Variants in TMEM161B observed in about 807,000 individuals in gnomAD.
TMEM161B encodes transmembrane protein 161B.
TMEM161B carries 34 observed loss-of-function variants against 61.8 expected under a neutral mutation model. The observed-to-expected ratio is 0.55, with a 90% confidence interval of 0.42 to 0.73. The LOEUF (loss-of-function observed/expected upper bound fraction) is 0.73. TMEM161B is among the 30% of genes least tolerant of loss of function. The pLI is 0.00. For synonymous variants in TMEM161B, 167 were observed against 192.8 expected, an observed-to-expected ratio of 0.87 and a Z score of 1.11; for missense variants, 456 against 558.5, an observed-to-expected ratio of 0.82 and a Z score of 1.85.
At chr5:88,241,211 C>T (rs1197011832) in intron 1 of TMEM161B, among the ~76,000 whole-genome samples, 1 of 151,550 alleles carries the variant, frequency 6.6e-6, no homozygotes, top group Non-Finnish European at 1.5e-5. Context: ...AATCTAGAGA[C>T]GATTTCAAGT....
intron 1 of TMEM161B, among the ~76,000 whole-genome samples, chr5:88,246,221 T>C (rs936347552): frequency 6.6e-6 from 1 of 151,852 alleles, no homozygotes; most frequent in Admixed American, 6.6e-5. Flanking sequence ...TATTCTTCTA[T>C]ATAAGTCAAC....
At chr5:88,206,918 CTTTAAA>C (rs1745612877) in intron 6 of TMEM161B, 105 bp downstream of exon 6, 2 of 932,396 alleles carry the variant, frequency 2.1e-6, no homozygotes, top group Non-Finnish European at 3.2e-6. Flanking sequence ...AGAGTATACA[CTTTAAA>C]TTTAATTTTA....
rs543379181 is a variant in TMEM161B, at chr5:88,246,550, T to C, written c.4-5634A>G. On this transcript the variant is annotated intron_variant, in intron 1 of 11. Transcript: ENST00000296595. ...ACAATTACAGTGTACATGCCAGGGA[T>C]TAATGTATTAATGTATAAAGTAGCC... Among the ~76,000 whole-genome samples the C allele has an allele frequency of 3.6e-4, 54 of 152,032 alleles. 2 individuals are homozygous for C. Among genetic ancestry groups the C allele is most frequent in the Middle Eastern group, 6.8e-3 (2 of 294 alleles).
At chr5:88,205,665 T>C in intron 8 of TMEM161B, 149 bp downstream of exon 8, 1 of 833,920 alleles carries the variant, frequency 1.2e-6, no homozygotes, top group South Asian at 2.2e-5. Flanking sequence ...TAAAAGAAAC[T>C]TGCTTATAGT....
Position 88,239,924 on chromosome 5 carries a change from T to C in TMEM161B, c.107+889A>G, listed in dbSNP as rs191919199. On this transcript the variant is annotated intron_variant, in intron 2 of 11. Coordinates refer to ENST00000296595, the MANE Select transcript of TMEM161B (RefSeq NM_153354.5). The stretch of plus-strand genomic sequence containing the variant: ...AACCAAAAGAAAGCAGTAACAAAAT[T>C]TGGTTATTTAACTGAAATGAACAAT... Among the ~76,000 whole-genome samples, 24 of 152,086 alleles carry C rather than the reference T, an allele frequency of 1.6e-4. No homozygotes were observed. The East Asian group carries it at 4.5e-3, about 28-fold the overall frequency.
At chr5:88,246,280 C>T (rs1753607132) in intron 1 of TMEM161B, among the ~76,000 whole-genome samples, 1 of 149,818 alleles carries the variant, frequency 6.7e-6, no homozygotes. Flanking sequence ...ATATGTGCTA[C>T]TGAAAAAAAA....
At chr5:88,210,018 T>A (rs140084286) in intron 5 of TMEM161B, among the ~76,000 whole-genome samples, 9 of 152,242 alleles carry the variant, frequency 5.9e-5, no homozygotes, top group Non-Finnish European at 1.2e-4. Flanking sequence ...TCATATACTA[T>A]CTTAAACTAT....
At chr5:88,235,642 A>C (rs1173237762) in intron 2 of TMEM161B, among the ~76,000 whole-genome samples, 1 of 152,190 alleles carries the variant, frequency 6.6e-6, no homozygotes, top group Non-Finnish European at 1.5e-5. Flanking sequence ...TGCTGACCTC[A>C]GACTTCCAGC....
At chr5:88,265,764 C>G (rs1167058035) in intron 1 of TMEM161B, among the ~76,000 whole-genome samples, 1 of 152,172 alleles carries the variant, frequency 6.6e-6, no homozygotes, top group African/African-American at 2.4e-5. Flanking sequence ...AACTTTTCAT[C>G]AAATCCAATT....
At chr5:88,225,618 A>C (rs1057393661) in intron 4 of TMEM161B, 151 bp downstream of exon 4, 3 of 484,026 alleles carry the variant, frequency 6.2e-6, no homozygotes, top group Non-Finnish European at 1.1e-5. Flanking sequence ...ACAAAAAAAT[A>C]AATTTAATTC....
intron 5 of TMEM161B, among the ~76,000 whole-genome samples, chr5:88,209,865 C>CCCTA (rs869192378): frequency 2.1e-5 from 2 of 96,656 alleles, no homozygotes; most frequent in African/African-American, 7.6e-5. Flanking sequence ...CATCTGAACT[C>CCCTA]TTCCCTCCTC....
chr5:88,220,727 G>GAAAAAAAAAAAAAAAA lies in TMEM161B; in HGVS notation c.290-24_290-9dup. 1.4e-5 allele frequency: 8 copies of GAAAAAAAAAAAAAAAA among 581,448 alleles called. No homozygotes were observed. The highest frequency in any genetic ancestry group is 9.0e-5 in the South Asian group (3 of 33,264). The allele number at this position is 581,448 out of a possible 1,614,324, so 36.0% of individuals were successfully genotyped here. A position where few individuals can be genotyped will look rare whatever the true frequency, so the allele number is the denominator to read the frequency against. On this transcript the variant is annotated splice_polypyrimidine_tract_variant and intron_variant, in intron 4 of 11. Transcript: ENST00000296595. Reference sequence around the variant, plus strand: ...CTGGAAAGTAATGCAATGCTGGAAAGAAAAAAAAAAAAAAAAAAAAAAAAG... The same window carrying GAAAAAAAAAAAAAAAA: ...CTGGAAAGTAATGCAATGCTGGAAAGAAAAAAAAAAAAAAAAAAAAAAAAAAAAAAAAAAAAAAAAG...
intron 1 of TMEM161B, among the ~76,000 whole-genome samples, chr5:88,245,956 A>C (rs1753555407): frequency 6.6e-6 from 1 of 151,954 alleles, no homozygotes; most frequent in Non-Finnish European, 1.5e-5. Flanking sequence ...GAAGAGAAAT[A>C]CATTTTAGAG....
At chr5:88,254,032 T>A (rs957953258) in intron 1 of TMEM161B, among the ~76,000 whole-genome samples, 2 of 151,788 alleles carry the variant, frequency 1.3e-5, no homozygotes, top group African/African-American at 4.8e-5. Flanking sequence ...GAGAGAAATG[T>A]ACATGCTTGA....
At chr5:88,204,937 T>C (rs1745169415) in intron 8 of TMEM161B, among the ~76,000 whole-genome samples, 1 of 152,028 alleles carries the variant, frequency 6.6e-6, no homozygotes, top group South Asian at 2.1e-4. Context: ...TCAGCATCAT[T>C]AAAAATAGGT....
At chr5:88,218,845 A>G (rs1272972595) in intron 5 of TMEM161B, among the ~76,000 whole-genome samples, 1 of 152,252 alleles carries the variant, frequency 6.6e-6, no homozygotes, top group Non-Finnish European at 1.5e-5. Flanking sequence ...TATTTTCAAA[A>G]GCGCAAGGTC....
At chr5:88,229,542 G>T (rs986224959) in intron 2 of TMEM161B, among the ~76,000 whole-genome samples, 1 of 148,634 alleles carries the variant, frequency 6.7e-6, no homozygotes, top group African/African-American at 2.5e-5. Context: ...TTATTTTTCC[G>T]TAATACAAAT....
At chr5:88,187,872 C>T (rs118130594), downstream of TMEM161B, among the ~76,000 whole-genome samples, 78 of 152,208 alleles carry the variant, frequency 5.1e-4, no homozygotes, top group East Asian at 9.4e-3. Flanking sequence ...CTTATAGCTT[C>T]TTGAATGGGA....
Position 88,240,673 on chromosome 5 carries a change from T to A in TMEM161B, c.107+140A>T, listed in dbSNP as rs989943108. 9 of 716,202 alleles carry A rather than the reference T, an allele frequency of 1.3e-5. No individual in the cohort carries two copies. In the African/African-American group the frequency reaches 1.7e-4, roughly 13 times the overall value. 44.4% of individuals were successfully genotyped at this position (716,202 alleles called of 1,614,324 possible). A position where few individuals can be genotyped will look rare whatever the true frequency, so the allele number is the denominator to read the frequency against. On this transcript the variant is annotated intron_variant, in intron 2 of 11. Transcript: ENST00000296595. ...TTGTCTCCAAAAAAAAAAAATTAAT[T>A]TTTTAAGAGAAATAAGAAAGCTAGA...
Sources: allele counts gnomAD v4.1 joint callset (sites outside exome capture counted in the v4.1 genomes callset), GRCh38; gene constraint gnomAD v4.1.1; transcripts MANE v1.5; gene names NCBI Gene and HGNC (gene_info 2026-07-23, HGNC 2026-07-21).